Variants in ZFHX3 observed in about 807,000 individuals in gnomAD.
The protein encoded by ZFHX3 is zinc finger homeobox 3, also known as zinc finger homeobox protein 3.
ZFHX3 carries 42 observed loss-of-function variants against 279.1 expected under a neutral mutation model. That is an observed-to-expected ratio of 0.15 (90% CI 0.12 to 0.19). The LOEUF is 0.19. Ranked by LOEUF, ZFHX3 falls within the 10% of genes least tolerant of loss-of-function variation. The pLI is 1.00. For missense variants in ZFHX3, 4,981 were observed against 4,754.0 expected (o/e 1.05, Z -1.40); for synonymous variants, 2,293 against 1,957.8 (o/e 1.17, Z -4.52).
At chr16:73,592,284 G>C (rs373422410) in intron 2 of ZFHX3, among the ~76,000 whole-genome samples, 1 of 151,986 alleles carries the variant, frequency 6.6e-6, no homozygotes, top group African/African-American at 2.4e-5. Context: ...GAAGTTCTTC[G>C]CTTTTGCAGA....
chr16:73,708,889 CT>C lies in ZFHX3; in HGVS notation c.-1607-28650del, dbSNP rs1272574084. Among the ~76,000 whole-genome samples the C allele has an allele frequency of 5.9e-5, 9 of 152,260 alleles. No homozygotes were observed. In the East Asian group the frequency reaches 1.7e-3, roughly 29 times the overall value. On this transcript the variant is annotated intron_variant, in intron 1 of 17. Coordinates refer to the ZFHX3 transcript ENST00000641206. ...AATAGGAGAAAGAGCATAACAAAGT[CT>C]GCCTGGACATGGCGCTCACTTTCCG...
At chr16:73,389,858 G>A (rs192427330) in intron 3 of ZFHX3, among the ~76,000 whole-genome samples, 2 of 152,242 alleles carry the variant, frequency 1.3e-5, no homozygotes, top group African/African-American at 2.4e-5. Context: ...TCAGGAGTTC[G>A]AGACCAGCCT....
At chr16:72,933,178 G>T (rs962645612) in intron 3 of ZFHX3, among the ~76,000 whole-genome samples, 1 of 152,138 alleles carries the variant, frequency 6.6e-6, no homozygotes, top group Non-Finnish European at 1.5e-5. Flanking sequence ...GATTTCCATG[G>T]CCTCTCCCGC....
chr16:73,613,226 G>C (rs960584688), intron 2 of ZFHX3, among the ~76,000 whole-genome samples: 7 of 152,192 alleles, frequency 4.6e-5, no homozygotes, highest in Non-Finnish European at 1.0e-4. Flanking sequence ...GGACCCGCCA[G>C]AGCTGCATCC....
At chr16:72,960,219 G>C in intron 1 of ZFHX3, 25 bp from the exon 2 acceptor site, 1 of 1,476,422 alleles carries the variant, frequency 6.8e-7, no homozygotes, top group South Asian at 1.5e-5. Flanking sequence ...CAAGGGGGGA[G>C]GAGGGAGAGA....
At chr16:72,920,398 C>T (rs1012142205) in intron 3 of ZFHX3, among the ~76,000 whole-genome samples, 3 of 152,016 alleles carry the variant, frequency 2.0e-5, no homozygotes, top group Non-Finnish European at 4.4e-5. Flanking sequence ...AGAAACACAC[C>T]AACCAGGTGC....
chr16:73,001,625 C>A (rs1254307628), intron 1 of ZFHX3, among the ~76,000 whole-genome samples: 1 of 151,812 alleles, frequency 6.6e-6, no homozygotes, highest in Non-Finnish European at 1.5e-5. Flanking sequence ...CCAGCCTGGG[C>A]AAGATAGCAA....
intron 7 of ZFHX3, chr16:72,807,518 T>G (rs2036301861): frequency 6.6e-6 from 1 of 152,226 alleles, no homozygotes. Context: ...ACAGACATAT[T>G]AGACACTGCA....
intron 1 of ZFHX3, among the ~76,000 whole-genome samples, chr16:73,785,669 C>G (rs529978695): frequency 3.9e-5 from 6 of 151,974 alleles, no homozygotes; most frequent in African/African-American, 1.5e-4. Context: ...TTAAGCAACA[C>G]TTTGGCTGGG....
chr16:73,019,415 G>A (rs1964222834), intron 1 of ZFHX3, among the ~76,000 whole-genome samples: 1 of 152,110 alleles, frequency 6.6e-6, no homozygotes, highest in African/African-American at 2.4e-5. Flanking sequence ...CACATGGGCT[G>A]CCTGGTTTAC....
chr16:73,003,508 T>G (rs1317518514), intron 1 of ZFHX3, among the ~76,000 whole-genome samples: 2 of 113,128 alleles, frequency 1.8e-5, no homozygotes, highest in Non-Finnish European at 1.9e-5. Flanking sequence ...GCCAACATGG[T>G]GAGACCCCCC....
intron 7 of ZFHX3, among the ~76,000 whole-genome samples, chr16:73,116,739 G>T (rs915347720): frequency 1.3e-5 from 2 of 152,102 alleles, no homozygotes; most frequent in African/African-American, 4.8e-5. Context: ...TCCACCTGTG[G>T]CCTGTAATTT....
At chr16:73,851,715 T>C (rs1304042743) in intron 1 of ZFHX3, among the ~76,000 whole-genome samples, 2 of 152,326 alleles carry the variant, frequency 1.3e-5, no homozygotes, top group African/African-American at 2.4e-5. Context: ...ACCAATACTA[T>C]TGTATCAAAC....
At chr16:73,093,365 A>G (rs1966113788) in exon 8 of ZFHX3, 1 of 414,444 alleles carries the variant, frequency 2.4e-6, no homozygotes, top group Non-Finnish European at 4.8e-6. Flanking sequence ...TGAAAGCCAC[A>G]GGGGACGACC....
intron 3 of ZFHX3, among the ~76,000 whole-genome samples, chr16:72,945,517 G>A (rs1026070017): frequency 6.6e-6 from 1 of 152,076 alleles, no homozygotes; most frequent in Non-Finnish European, 1.5e-5. Context: ...GGAGAAGGAG[G>A]GCATGCAGGC....
intron 1 of ZFHX3, among the ~76,000 whole-genome samples, chr16:73,786,319 C>A (rs1166213864): frequency 6.6e-6 from 1 of 151,722 alleles, no homozygotes; most frequent in African/African-American, 2.4e-5. Context: ...TTTCTCTTTT[C>A]TTCCCCCTGT....
chr16:73,407,407 A>G (rs370261960), intron 3 of ZFHX3, among the ~76,000 whole-genome samples: 3 of 152,202 alleles, frequency 2.0e-5, no homozygotes, highest in Non-Finnish European at 4.4e-5. Context: ...CCTTTGTTCC[A>G]TGGCCTGTGG....
At chr16:73,048,888 G>T (rs1965396927), upstream of ZFHX3, among the ~76,000 whole-genome samples, 1 of 152,222 alleles carries the variant, frequency 6.6e-6, no homozygotes, top group Non-Finnish European at 1.5e-5. Context: ...AAGAAAAGAA[G>T]TGGGAAGAAA....
chr16:73,882,631 C>T lies in ZFHX3; in HGVS notation c.-1608+9020G>A, dbSNP rs59456576. On this transcript the variant is annotated intron_variant, in intron 1 of 17. Transcript: ENST00000641206. ...TACAGAAATGACTTAGAAGATAGAG[C>T]CAGGGTCTGGAAATTCCAGGATCCT... is the stretch of plus-strand genomic sequence containing the variant. Among the ~76,000 whole-genome samples the T allele has an allele frequency of 3.3e-3, 498 of 152,074 alleles. 2 individuals carry two copies. Among genetic ancestry groups the T allele is most frequent in the African/African-American group, 0.011 (474 of 41,500 alleles).
Sources: gnomAD v4.1 joint callset for allele counts (sites outside exome capture counted in the v4.1 genomes callset) on GRCh38, gnomAD v4.1.1 for gene constraint, MANE v1.5 for transcripts, NCBI Gene and HGNC (gene_info 2026-07-23, HGNC 2026-07-21) for gene names.